Variants in KCNB2 observed in about 807,000 individuals in gnomAD.
KCNB2 encodes delayed rectifier potassium channel protein.
A neutral mutation model predicts 61.5 loss-of-function variants in KCNB2; 15 were observed. The ratio of observed to expected loss-of-function variants is 0.24; its 90% CI spans 0.16 to 0.38. KCNB2 has a LOEUF of 0.38. Among genes scored for constraint, KCNB2 ranks in the 10% least tolerant of loss-of-function variants. The pLI is 1.00. For missense variants in KCNB2, 828 were observed against 1,125.2 expected, an observed-to-expected ratio of 0.74 and a Z score of 3.78; for synonymous variants, 457 against 446.0, an observed-to-expected ratio of 1.02 and a Z score of -0.31.
At chr8:72,627,574 C>A in intron 2 of KCNB2, among the ~76,000 whole-genome samples, 1 of 152,112 alleles carries the variant, frequency 6.6e-6, no homozygotes, top group Non-Finnish European at 1.5e-5. Context: ...TGATTTTTAT[C>A]CATGATAACA....
chr8:72,883,779 C>T lies in KCNB2; in HGVS notation c.580-52156C>T, dbSNP rs571128638. Among the ~76,000 whole-genome samples the T allele has an allele frequency of 5.3e-5, 8 of 152,258 alleles. No homozygotes were observed. In the South Asian group the frequency reaches 1.5e-3, roughly 28 times the overall value. Reference sequence around the variant, plus strand: ...TTGACAGGCCCATTTTGAAACGTTACGTAGTGTTCCACTGTGAAACACATC... The same window carrying T: ...TTGACAGGCCCATTTTGAAACGTTATGTAGTGTTCCACTGTGAAACACATC... On this transcript the variant is annotated intron_variant, in intron 2 of 2. Transcript: ENST00000523207.
intron 2 of KCNB2, among the ~76,000 whole-genome samples, chr8:72,668,176 G>A (rs1440362): frequency 6.6e-6 from 1 of 152,180 alleles, no homozygotes; most frequent in African/African-American, 2.4e-5. Flanking sequence ...ATCAGTGTAT[G>A]TGACAACACA....
intron 1 of KCNB2, among the ~76,000 whole-genome samples, chr8:72,553,071 TA>T (rs200070139): frequency 1.4e-4 from 22 of 151,828 alleles, no homozygotes; most frequent in Non-Finnish European, 2.8e-4. Context: ...CAAAAAAATT[TA>T]AAAAAAACAC....
At chr8:72,928,194 T>TA (rs1157510418) in intron 2 of KCNB2, among the ~76,000 whole-genome samples, 1 of 144,394 alleles carries the variant, frequency 6.9e-6, no homozygotes, top group African/African-American at 2.5e-5. Flanking sequence ...TTTCTTTCTT[T>TA]TTTTTTTTTT....
chr8:72,669,736 C>T (rs906777372), intron 2 of KCNB2, among the ~76,000 whole-genome samples: 2 of 152,262 alleles, frequency 1.3e-5, no homozygotes, highest in East Asian at 3.9e-4. Context: ...CAGTACAAAA[C>T]CCTGGGCATG....
At chr8:72,685,674 G>A (rs1806838981) in intron 2 of KCNB2, among the ~76,000 whole-genome samples, 1 of 152,134 alleles carries the variant, frequency 6.6e-6, no homozygotes, top group African/African-American at 2.4e-5. Flanking sequence ...GGTCTGAATG[G>A]GAAGGCAAAG....
intron 2 of KCNB2, among the ~76,000 whole-genome samples, chr8:72,897,302 G>A (rs971209730): frequency 5.3e-5 from 8 of 151,984 alleles, no homozygotes; most frequent in Admixed American, 6.6e-5. Flanking sequence ...TACCTGTTTC[G>A]TATGCACAAT....
At chr8:72,853,836 A>T (rs1399961299) in intron 2 of KCNB2, among the ~76,000 whole-genome samples, 1 of 152,202 alleles carries the variant, frequency 6.6e-6, no homozygotes, top group Non-Finnish European at 1.5e-5. Context: ...CCGTCACGTG[A>T]CTTGAATGAA....
intron 2 of KCNB2, among the ~76,000 whole-genome samples, chr8:72,833,352 T>G (rs1452363889): frequency 2.0e-5 from 3 of 152,060 alleles, no homozygotes; most frequent in African/African-American, 4.8e-5. Flanking sequence ...CAGGAAAAAT[T>G]TTCTAAAGTT....
Position 72,597,236 on chromosome 8 carries a change from G to A in KCNB2, c.579+28923G>A, listed in dbSNP as rs189598690. On this transcript the variant is annotated intron_variant, in intron 2 of 2. Coordinates refer to ENST00000523207, the MANE Select transcript of KCNB2 (RefSeq NM_004770.3). The stretch of plus-strand genomic sequence containing the variant: ...ACATTAGTAGAGACGGGGTTTCACC[G>A]TGTTGGCCAGGTTGGTCTTGATCTC... Among the ~76,000 whole-genome samples the A allele has an allele frequency of 3.2e-3, 480 of 151,994 alleles. 2 individuals are homozygous for A. Among genetic ancestry groups the A allele is most frequent in the African/African-American group, 0.011 (465 of 41,484 alleles).
At chr8:72,597,680 T>C (rs1807221553) in intron 2 of KCNB2, among the ~76,000 whole-genome samples, 1 of 152,154 alleles carries the variant, frequency 6.6e-6, no homozygotes, top group Non-Finnish European at 1.5e-5. Context: ...GGTAGGTGAG[T>C]ACAGTTTAGC....
intron 2 of KCNB2, among the ~76,000 whole-genome samples, chr8:72,785,109 A>C (rs895462146): frequency 5.9e-5 from 9 of 152,218 alleles, no homozygotes; most frequent in Admixed American, 3.9e-4. Context: ...TTGCTGCTAT[A>C]ATTTTAAAAA....
intron 2 of KCNB2, among the ~76,000 whole-genome samples, chr8:72,706,614 T>C (rs1339094381): frequency 1.3e-5 from 2 of 152,210 alleles, no homozygotes; most frequent in African/African-American, 2.4e-5. Flanking sequence ...TTATTGTTTC[T>C]ATCTATGCAC....
intron 2 of KCNB2, among the ~76,000 whole-genome samples, chr8:72,577,206 G>A (rs1166049055): frequency 6.6e-6 from 1 of 152,110 alleles, no homozygotes; most frequent in African/African-American, 2.4e-5. Context: ...TTGTTGTCAA[G>A]TTTCTGTGTC....
At chr8:72,930,667 G>A (rs1279726690) in intron 2 of KCNB2, among the ~76,000 whole-genome samples, 2 of 151,994 alleles carry the variant, frequency 1.3e-5, no homozygotes, top group African/African-American at 4.8e-5. Flanking sequence ...TTGTAAATTT[G>A]TTTGAGTTCA....
intron 2 of KCNB2, among the ~76,000 whole-genome samples, chr8:72,576,270 TTA>T (rs1445085566): frequency 6.6e-6 from 1 of 152,224 alleles, no homozygotes; most frequent in Non-Finnish European, 1.5e-5. Context: ...TAAATCTGCA[TTA>T]TGTATAATGT....
intron 2 of KCNB2, among the ~76,000 whole-genome samples, chr8:72,849,620 A>G (rs1222764949): frequency 6.6e-6 from 1 of 152,214 alleles, no homozygotes; most frequent in African/African-American, 2.4e-5. Flanking sequence ...CTTACTTTTA[A>G]AAAAATCTTC....
At chr8:72,612,840 G>A (rs1273591620) in intron 2 of KCNB2, among the ~76,000 whole-genome samples, 2 of 152,128 alleles carry the variant, frequency 1.3e-5, no homozygotes, top group Admixed American at 6.6e-5. Flanking sequence ...ATAAAGTACA[G>A]CATGAGAAAA....
chr8:72,829,124 G>A (rs1809647036), intron 2 of KCNB2, among the ~76,000 whole-genome samples: 2 of 152,262 alleles, frequency 1.3e-5, no homozygotes, highest in South Asian at 4.1e-4. Flanking sequence ...CTTTTGAAAA[G>A]TGAAATGAAG....
Sources: allele counts gnomAD v4.1 joint callset (sites outside exome capture counted in the v4.1 genomes callset), GRCh38; gene constraint gnomAD v4.1.1; transcripts MANE v1.5; gene names NCBI Gene and HGNC (gene_info 2026-07-23, HGNC 2026-07-21).